CCBE1: variants seen among roughly 807,000 people sequenced by gnomAD.
The protein encoded by CCBE1 is collagen and calcium-binding EGF domain-containing protein 1.
In CCBE1, 37 loss-of-function variants were observed where a neutral mutation model predicts 50.0. The ratio of observed to expected loss-of-function variants is 0.74; its 90% CI spans 0.57 to 0.97. The LOEUF is 0.97. CCBE1 is among the 50% of genes least tolerant of loss of function. The probability of loss-of-function intolerance (pLI) is 0.00; values close to 1 mark genes in which losing one functional copy is unlikely to be tolerated. For synonymous variants in CCBE1, 234 were observed against 203.7 expected (o/e 1.15, Z -1.27); for missense variants, 538 against 523.8 (o/e 1.03, Z -0.26).
intron 4 of CCBE1, among the ~76,000 whole-genome samples, chr18:59,468,258 G>A (rs1429627615): frequency 1.3e-5 from 2 of 152,312 alleles, no homozygotes; most frequent in East Asian, 1.9e-4. Context: ...AGTGGCGCAT[G>A]CCTGTAGCTC....
intron 2 of CCBE1, among the ~76,000 whole-genome samples, chr18:59,663,573 G>C (rs917059476): frequency 6.6e-6 from 1 of 152,092 alleles, no homozygotes; most frequent in African/African-American, 2.4e-5. Flanking sequence ...TCAGCGGGTA[G>C]ACCAAGCCAG....
chr18:59,603,787 A>C (rs762756067), intron 2 of CCBE1, among the ~76,000 whole-genome samples: 33 of 152,200 alleles, frequency 2.2e-4, no homozygotes, highest in Non-Finnish European at 3.8e-4. Context: ...GAGACCAGGC[A>C]AGTACATTAG....
chr18:59,695,569 T>G (rs2144759939), intron 2 of CCBE1, among the ~76,000 whole-genome samples: 1 of 152,332 alleles, frequency 6.6e-6, no homozygotes, highest in Admixed American at 6.5e-5. Context: ...TTTGCACCCA[T>G]AAACTGACAG....
At position 59,632,382 on chromosome 18, in the gene CCBE1, C is replaced by T. The variant is rs141533731; in HGVS notation, c.212+64247G>A. Among the ~76,000 whole-genome samples the T allele has an allele frequency of 6.0e-3, 910 of 152,140 alleles. 16 individuals are homozygous for T. The highest frequency in any genetic ancestry group is 0.021 in the African/African-American group (852 of 41,500). ...GCAACCTCTGCCTCCCAGGTTCAAG[C>T]GATTCTCGTGCCTCAGCCTCAGCTA... On this transcript the variant is annotated intron_variant, in intron 2 of 10. Transcript: ENST00000439986.
rs80192778 is a variant in CCBE1, at chr18:59,641,278, T to A, written c.212+55351A>T. On this transcript the variant is annotated intron_variant, in intron 2 of 10. Coordinates refer to ENST00000439986, the MANE Select transcript of CCBE1 (RefSeq NM_133459.4). ...CACACCATAGAATACTACATAGCTA[T>A]AAAAAAGAAGATCATGTCCTTTGCA... 3.5e-3 allele frequency among the ~76,000 whole-genome samples: 527 copies of A among 151,956 alleles called. 6 individuals are homozygous for A. Among genetic ancestry groups the A allele is most frequent in the African/African-American group, 0.012 (492 of 41,382 alleles).
intron 2 of CCBE1, among the ~76,000 whole-genome samples, chr18:59,608,935 C>T (rs193067661): frequency 3.0e-4 from 45 of 152,322 alleles, no homozygotes; most frequent in African/African-American, 1.1e-3. Flanking sequence ...CATAATCTGG[C>T]TTCTATCCCC....
chr18:59,596,672 C>A (rs534182472), intron 2 of CCBE1, among the ~76,000 whole-genome samples: 1 of 152,342 alleles, frequency 6.6e-6, no homozygotes, highest in African/African-American at 2.4e-5. Flanking sequence ...ATCCACGTCT[C>A]TCGTTTTACA....
rs766634853 is a variant in CCBE1 at position 59,448,137 on chromosome 18, C to A, written c.655-34G>T. ...AGAAGAGGAAGCCTCAGTCAGGAAG[C>A]AATGGCAGAAGAGAGCCTCGGCATT... On this transcript the variant is annotated intron_variant, in intron 6 of 10. Transcript: ENST00000439986. 128 of 1,612,520 alleles carry A rather than the reference C, an allele frequency of 7.9e-5. 1 individual carries two copies. In the Middle Eastern group the frequency reaches 9.9e-4, roughly 12 times the overall value.
intron 2 of CCBE1, among the ~76,000 whole-genome samples, chr18:59,631,774 C>G (rs1187076553): frequency 6.6e-6 from 1 of 152,176 alleles, no homozygotes; most frequent in Non-Finnish European, 1.5e-5. Flanking sequence ...CACTAGGTGG[C>G]AGCTCTGCAT....
At chr18:59,631,227 C>T (rs1189912669) in intron 2 of CCBE1, among the ~76,000 whole-genome samples, 3 of 151,172 alleles carry the variant, frequency 2.0e-5, no homozygotes, top group African/African-American at 2.4e-5. Context: ...AAAAAAAAGG[C>T]ATGAAGGATA....
At chr18:59,440,667 G>A (rs1216778261) in intron 7 of CCBE1, among the ~76,000 whole-genome samples, 3 of 152,130 alleles carry the variant, frequency 2.0e-5, no homozygotes, top group East Asian at 3.9e-4. Context: ...ACTTCTTAGT[G>A]AGGGGTAGGA....
intron 2 of CCBE1, among the ~76,000 whole-genome samples, chr18:59,606,356 AAACC>A (rs1264130568): frequency 9.2e-5 from 14 of 152,332 alleles, no homozygotes; most frequent in Non-Finnish European, 1.5e-5. Flanking sequence ...TCCACATGGC[AAACC>A]GCAAAGCACA....
intron 2 of CCBE1, among the ~76,000 whole-genome samples, chr18:59,492,073 AG>A (rs1327717138): frequency 7.1e-6 from 1 of 141,076 alleles, no homozygotes; most frequent in Non-Finnish European, 1.5e-5. Flanking sequence ...TGAACCTGGA[AG>A]GGGGAGGTTG....
chr18:59,562,561 C>T (rs2052756237), intron 2 of CCBE1, among the ~76,000 whole-genome samples: 1 of 152,204 alleles, frequency 6.6e-6, no homozygotes, highest in Non-Finnish European at 1.5e-5. Context: ...CAATAATAAA[C>T]CTGCTTTCTA....
At chr18:59,678,016 T>C (rs1274389988) in intron 2 of CCBE1, among the ~76,000 whole-genome samples, 1 of 152,114 alleles carries the variant, frequency 6.6e-6, no homozygotes, top group East Asian at 1.9e-4. Context: ...AACTGACCTA[T>C]CCCAAACGGC....
intron 2 of CCBE1, among the ~76,000 whole-genome samples, chr18:59,557,168 G>A (rs934732354): frequency 6.6e-6 from 1 of 152,208 alleles, no homozygotes; most frequent in Non-Finnish European, 1.5e-5. Context: ...AGCTTCCCAT[G>A]CATGTCACAG....
chr18:59,482,867 A>G (rs777299013), intron 2 of CCBE1, among the ~76,000 whole-genome samples: 1 of 112,760 alleles, frequency 8.9e-6, no homozygotes, highest in Non-Finnish European at 2.2e-5. Flanking sequence ...TATTTTGACT[A>G]TAAAGGTTAA....
At chr18:59,634,556 C>T (rs28648039) in intron 2 of CCBE1, among the ~76,000 whole-genome samples, 5,310 of 151,888 alleles carry the variant, frequency 0.035, 315 homozygotes, top group African/African-American at 0.12. Flanking sequence ...TGAAAAATAC[C>T]GAGGAAAGCA....
At chr18:59,558,593 C>A (rs2052686401) in intron 2 of CCBE1, among the ~76,000 whole-genome samples, 1 of 152,192 alleles carries the variant, frequency 6.6e-6, no homozygotes, top group South Asian at 2.1e-4. Context: ...TATAACTGCC[C>A]TGCTGATGCT....
Sources: gnomAD v4.1 joint callset for allele counts (sites outside exome capture counted in the v4.1 genomes callset) on GRCh38, gnomAD v4.1.1 for gene constraint, MANE v1.5 for transcripts, NCBI Gene and HGNC (gene_info 2026-07-23, HGNC 2026-07-21) for gene names.